The following ITSN1 variants were observed in gnomAD, a reference collection of about 807,000 sequenced individuals.
ITSN1 encodes intersectin 1.
ITSN1 carries 58 observed loss-of-function variants against 239.8 expected under a neutral mutation model. The ratio of observed to expected loss-of-function variants is 0.24; its 90% CI spans 0.20 to 0.30. The LOEUF (loss-of-function observed/expected upper bound fraction) is 0.30, where lower values mean the gene tolerates loss of function less well. Ranked by LOEUF, ITSN1 falls within the 10% of genes least tolerant of loss-of-function variation. The pLI is 1.00. For synonymous variants in ITSN1, 780 were observed against 770.8 expected (o/e 1.01, Z -0.20); for missense variants, 1,558 against 2,103.3 (o/e 0.74, Z 5.07).
At chr21:33,701,788 C>T (rs2092022654) in intron 1 of ITSN1, among the ~76,000 whole-genome samples, 1 of 151,312 alleles carries the variant, frequency 6.6e-6, no homozygotes, top group Admixed American at 6.6e-5. Context: ...GAGCGAGACT[C>T]CATCTCAAAA....
chr21:33,708,113 T>TTTCCC (rs2092305147), intron 1 of ITSN1, among the ~76,000 whole-genome samples: 1 of 152,224 alleles, frequency 6.6e-6, no homozygotes, highest in Admixed American at 6.5e-5. Context: ...TTAGTTTGCA[T>TTTCCC]TTCCCTGATG....
intron 21 of ITSN1, 94 bp from the exon 22 acceptor site, chr21:33,813,819 C>T: frequency 2.9e-6 from 3 of 1,047,312 alleles, no homozygotes; most frequent in Non-Finnish European, 4.0e-6. Context: ...TTAGGGAGTG[C>T]TTGCTTTTTT....
chr21:33,872,407 C>T (rs1982903252), intron 33 of ITSN1, among the ~76,000 whole-genome samples: 1 of 152,142 alleles, frequency 6.6e-6, no homozygotes, highest in African/African-American at 2.4e-5. Context: ...TATTATAAAA[C>T]CCTCAAAATG....
intron 1 of ITSN1, among the ~76,000 whole-genome samples, chr21:33,674,214 CT>C (rs1488306101): frequency 4.6e-5 from 7 of 152,254 alleles, no homozygotes; most frequent in South Asian, 4.1e-4. Flanking sequence ...ACTGTGGATT[CT>C]TTTTTTCTTT....
intron 1 of ITSN1, among the ~76,000 whole-genome samples, chr21:33,645,271 A>G (rs1470712771): frequency 6.6e-6 from 1 of 152,164 alleles, no homozygotes; most frequent in Non-Finnish European, 1.5e-5. Flanking sequence ...TTCCTCCTGA[A>G]TGGCTCCACT....
intron 1 of ITSN1, among the ~76,000 whole-genome samples, chr21:33,715,297 T>A (rs2065071844): frequency 6.6e-6 from 1 of 152,126 alleles, no homozygotes; most frequent in African/African-American, 2.4e-5. Context: ...TGTGAGACTA[T>A]TAGCACTAAT....
intron 5 of ITSN1, among the ~76,000 whole-genome samples, chr21:33,748,884 A>T (rs2067360958): frequency 6.6e-6 from 1 of 152,084 alleles, no homozygotes; most frequent in African/African-American, 2.4e-5. Context: ...AAAATATTTA[A>T]AAAAAATCAA....
chr21:33,819,899 G>A (rs1039414022), intron 24 of ITSN1, among the ~76,000 whole-genome samples: 23 of 152,122 alleles, frequency 1.5e-4, no homozygotes, highest in South Asian at 4.1e-4. Context: ...GGAGAATGGC[G>A]TGAACCCGGG....
At chr21:33,813,456 A>G (rs1569233435) in intron 21 of ITSN1, among the ~76,000 whole-genome samples, 1 of 151,718 alleles carries the variant, frequency 6.6e-6, no homozygotes, top group Admixed American at 6.6e-5. Context: ...AGGTTGAAGC[A>G]TTTCTCCTTC....
At chr21:33,799,401 T>TC (rs1242354497) in intron 18 of ITSN1, among the ~76,000 whole-genome samples, 1 of 152,174 alleles carries the variant, frequency 6.6e-6, no homozygotes, top group East Asian at 1.9e-4. Context: ...ACAAGTTGAC[T>TC]CCTTGGCTGA....
chr21:33,735,280 CGGTTTATAACATTATGAAATTCTA>C, intron 5 of ITSN1, 76 bp downstream of exon 5: 1 of 1,419,328 alleles, frequency 7.0e-7, no homozygotes, highest in Non-Finnish European at 9.9e-7. Flanking sequence ...TTTTCCCTCT[CGGTTTATAACATTATGAAATTCTA>C]GGAGGTAATT....
chr21:33,817,349 G>T, intron 22 of ITSN1: 3 of 1,304,304 alleles, frequency 2.3e-6, no homozygotes, highest in Non-Finnish European at 3.0e-6. Flanking sequence ...CTGCGCCCTC[G>T]GCCTGGAGTG....
At chr21:33,799,401 T>C (rs1042454441) in intron 18 of ITSN1, among the ~76,000 whole-genome samples, 1 of 152,174 alleles carries the variant, frequency 6.6e-6, no homozygotes, top group Admixed American at 6.5e-5. Flanking sequence ...ACAAGTTGAC[T>C]CCTTGGCTGA....
At chr21:33,831,080 G>A (rs1480740445) in intron 27 of ITSN1, among the ~76,000 whole-genome samples, 3 of 152,170 alleles carry the variant, frequency 2.0e-5, no homozygotes, top group Admixed American at 2.0e-4. Flanking sequence ...TACTACTATA[G>A]CAGTTACTTG....
At chr21:33,653,741 C>G (rs924761376) in intron 1 of ITSN1, among the ~76,000 whole-genome samples, 1 of 152,084 alleles carries the variant, frequency 6.6e-6, no homozygotes, top group African/African-American at 2.4e-5. Flanking sequence ...CCAAGATGGC[C>G]TCGATCTCCT....
At position 33,772,179 on chromosome 21, in the gene ITSN1, G is replaced by C. The variant is rs375451100; in HGVS notation, c.1161G>C (p.Glu387Asp). Residue 387 changes from glutamate (E) to aspartate (D), a missense_variant, in exon 12 of 40, where the codon GAG (glutamate) becomes GAC (aspartate). Physicochemically the swap from Glu to Asp is conservative, Grantham distance 45 (BLOSUM62 2). Coordinates refer to ENST00000381318, the MANE Select transcript of ITSN1 (RefSeq NM_003024.3). ...AGCAGGAGCGCCTGGCCCAGCTGGA[G>C]CGGGCGGAGCAGGAGAGGAAGGAGC... ...RKEQERLAQLERAEQERKERE... is the reference protein window; with the variant it reads ...RKEQERLAQLDRAEQERKERE... 3 of 1,614,026 alleles carry C rather than the reference G, an allele frequency of 1.9e-6. No individual in the cohort carries two copies. The highest frequency in any genetic ancestry group is 2.5e-6 in the Non-Finnish European group (3 of 1,180,008).
At chr21:33,670,520 C>CG (rs1011163101) in intron 1 of ITSN1, among the ~76,000 whole-genome samples, 2 of 151,204 alleles carry the variant, frequency 1.3e-5, no homozygotes, top group Non-Finnish European at 2.9e-5. Context: ...AAAATGTAGT[C>CG]GGAAGAGTGG....
chr21:33,813,886 T>C, intron 21 of ITSN1, 27 bp from the exon 22 acceptor site: 5 of 1,610,064 alleles, frequency 3.1e-6, no homozygotes, highest in Non-Finnish European at 4.2e-6. Flanking sequence ...GTGCTTGTTA[T>C]TCATGGTGTT....
intron 33 of ITSN1, among the ~76,000 whole-genome samples, chr21:33,867,746 C>G (rs1981876368): frequency 6.6e-6 from 1 of 151,968 alleles, no homozygotes; most frequent in South Asian, 2.1e-4. Context: ...AGTGTTACAG[C>G]TCTTAAGGTG....
Sources: allele counts gnomAD v4.1 joint callset (sites outside exome capture counted in the v4.1 genomes callset), GRCh38; gene constraint gnomAD v4.1.1; transcripts MANE v1.5; gene names NCBI Gene and HGNC (gene_info 2026-07-23, HGNC 2026-07-21).